The following SMG7 variants were observed in gnomAD, a reference collection of about 807,000 sequenced individuals.
The protein encoded by SMG7 is nonsense-mediated mRNA decay factor SMG7.
Under a neutral mutation model 148.2 loss-of-function variants are expected in SMG7, and 34 were observed. That is an observed-to-expected ratio of 0.23 (90% CI 0.17 to 0.31). The LOEUF (loss-of-function observed/expected upper bound fraction) is 0.31, where lower values mean the gene tolerates loss of function less well. Ranked by LOEUF, SMG7 falls within the 10% of genes least tolerant of loss-of-function variation. The pLI is 1.00. For synonymous variants in SMG7, 492 were observed against 515.1 expected (o/e 0.96, Z 0.61); for missense variants, 1,114 against 1,408.4 (o/e 0.79, Z 3.35).
chr1:183,533,105 G>A lies in SMG7; in HGVS notation c.844-59G>A, dbSNP rs1667155593. On this transcript the variant is annotated intron_variant, in intron 8 of 22. Transcript: ENST00000688051. ...ATGCAGACTACCAGTTTAATTTCTT[G>A]TGTCAAAGATGGTTCCTGTTCTTGA... 6 of 1,431,830 alleles carry A rather than the reference G, an allele frequency of 4.2e-6. No homozygotes were observed. In the South Asian group the frequency reaches 7.5e-5, roughly 18 times the overall value. The allele number at this position is 1,431,830 out of a possible 1,614,324, so 88.7% of individuals were successfully genotyped here.
intron 2 of SMG7, chr1:183,513,295 G>T: frequency 6.6e-6 from 1 of 151,210 alleles, no homozygotes; most frequent in Non-Finnish European, 1.5e-5. Context: ...AATATTTATA[G>T]AAAAATTCTA....
rs200203235 is a variant in SMG7 at position 183,551,081 on chromosome 1, C to T, written c.3341C>T (p.Thr1114Met). 1.5e-4 allele frequency: 249 copies of T among 1,613,798 alleles called. No homozygotes were observed. The highest frequency in any genetic ancestry group is 2.3e-4 in the Admixed American group (14 of 59,926). ...GGFGIDYLSA[T>M]SSSESSWHQA... is the part of the protein sequence containing the mutation. ...TTTGGCATTGATTATCTCTCAGCAA[C>T]GTCATCCTCTGAGAGCAGTTGGCAT... Residue 1114 changes from threonine to methionine, a missense_variant, in exon 22 of 23, where the codon ACG becomes ATG. Thr to Met is a moderately conservative substitution (Grantham distance 81). Around this residue, in one of 4 missense-constraint regions of SMG7, gnomAD observed 788 missense variants for 894.5 expected, o/e 0.88. Coordinates refer to ENST00000688051, the MANE Select transcript of SMG7 (RefSeq NM_001375584.1).
At chr1:183,548,143 T>G (rs948966942) in intron 18 of SMG7, among the ~76,000 whole-genome samples, 3 of 152,230 alleles carry the variant, frequency 2.0e-5, no homozygotes, top group Non-Finnish European at 4.4e-5. Context: ...ACAGCTTTCA[T>G]GACATTGCTG....
chr1:183,549,420 T>TC (rs1296935962), intron 19 of SMG7, 132 bp downstream of exon 19: 6 of 690,680 alleles, frequency 8.7e-6, no homozygotes, highest in Non-Finnish European at 1.5e-5. Flanking sequence ...TTTGATTTTA[T>TC]CCCCCTTGTC....
chr1:183,491,430 C>T (rs1381213809), intron 1 of SMG7, among the ~76,000 whole-genome samples: 2 of 151,954 alleles, frequency 1.3e-5, no homozygotes, highest in Non-Finnish European at 2.9e-5. Context: ...TTTTTGTGTA[C>T]ATGTGTTTTC....
chr1:183,486,036 C>T (rs1655338344), intron 1 of SMG7, among the ~76,000 whole-genome samples: 1 of 152,176 alleles, frequency 6.6e-6, no homozygotes, highest in Non-Finnish European at 1.5e-5. Flanking sequence ...TTACATTGCT[C>T]TTGAAAATTT....
At chr1:183,519,804 T>C (rs1267709801) in intron 4 of SMG7, among the ~76,000 whole-genome samples, 1 of 152,194 alleles carries the variant, frequency 6.6e-6, no homozygotes, top group Admixed American at 6.5e-5. Context: ...GTTAACAGTT[T>C]AGCATTTTTG....
chr1:183,553,608 G>GCCC lies in SMG7; in HGVS notation c.*1683_*1685dup, dbSNP rs3832026. Reference sequence around the variant, plus strand: ...TTGCTCTTCAGAGAGAGTGGTTGGAGCCCCCCCCGCCCCGTATGCTTACAT... The same window carrying GCCC: ...TTGCTCTTCAGAGAGAGTGGTTGGAGCCCCCCCCCCCGCCCCGTATGCTTACAT... On this transcript the variant is annotated 3_prime_UTR_variant, in exon 23 of 23. Transcript: ENST00000688051. 1,720 of 125,988 alleles carry GCCC rather than the reference G, an allele frequency of 0.014. 47 individuals carry two copies. The highest frequency in any genetic ancestry group is 0.02 in the Non-Finnish European group (1,142 of 57,874). 7.8% of individuals were successfully genotyped at this position (125,988 alleles called of 1,614,324 possible).
rs1319667627 is a variant in SMG7 at position 183,472,551 on chromosome 1, C to T, written c.-70C>T. ...GCGGCCGCCAGCACCCGCGGTGCCG[C>T]GGGGCCGCTCCGAGGAGCCTGAGAG... On this transcript the variant is annotated 5_prime_UTR_variant, in exon 1 of 23. Coordinates refer to ENST00000688051, the MANE Select transcript of SMG7 (RefSeq NM_001375584.1). 6.0e-6 allele frequency: 8 copies of T among 1,341,310 alleles called. No homozygotes were observed. Among genetic ancestry groups the T allele is most frequent in the South Asian group, 3.5e-5 (2 of 57,208 alleles). 83.1% of individuals were successfully genotyped at this position (1,341,310 alleles called of 1,614,324 possible). A position where few individuals can be genotyped will look rare whatever the true frequency, so the allele number is the denominator to read the frequency against.
At chr1:183,476,513 C>G (rs1342248633) in intron 1 of SMG7, among the ~76,000 whole-genome samples, 2 of 152,056 alleles carry the variant, frequency 1.3e-5, no homozygotes, top group African/African-American at 4.8e-5. Flanking sequence ...AGATAGGAGG[C>G]AAGAAGTCCC....
intron 1 of SMG7, among the ~76,000 whole-genome samples, chr1:183,482,297 G>C (rs922642640): frequency 7.9e-5 from 12 of 152,028 alleles, no homozygotes; most frequent in Admixed American, 7.2e-4. Context: ...TATTTGAGTA[G>C]CTGGTGTGTG....
intron 17 of SMG7, 147 bp from the exon 18 acceptor site, chr1:183,546,956 T>G: frequency 1.3e-6 from 1 of 770,142 alleles, no homozygotes; most frequent in Non-Finnish European, 2.0e-6. Context: ...TGCCTTTGCA[T>G]TTCAGAGCGT....
At chr1:183,535,888 A>G (rs1045174153) in intron 10 of SMG7, among the ~76,000 whole-genome samples, 1 of 151,962 alleles carries the variant, frequency 6.6e-6, no homozygotes, top group African/African-American at 2.4e-5. Context: ...TTTTCCAACT[A>G]TCTCTTGTAA....
chr1:183,547,025 T>C, intron 17 of SMG7, 78 bp from the exon 18 acceptor site: 1 of 1,373,536 alleles, frequency 7.3e-7, no homozygotes, highest in Non-Finnish European at 9.8e-7. Context: ...GTTGTCTTCT[T>C]CCACCTAATT....
intron 1 of SMG7, among the ~76,000 whole-genome samples, chr1:183,506,674 A>G (rs1194883744): frequency 1.3e-5 from 2 of 151,016 alleles, no homozygotes; most frequent in African/African-American, 2.4e-5. Flanking sequence ...AAAACACGAA[A>G]AAACTCCCAG....
chr1:183,477,776 G>A (rs4652805), intron 1 of SMG7, among the ~76,000 whole-genome samples: 149,377 of 151,590 alleles, frequency 0.99, 73,638 homozygotes, highest in East Asian at 1. Context: ...ATACATGTGT[G>A]TATGTGTGTA....
At chr1:183,550,023 G>T in intron 20 of SMG7, 100 bp downstream of exon 20, 1 of 777,016 alleles carries the variant, frequency 1.3e-6, no homozygotes, top group Non-Finnish European at 2.0e-6. Context: ...TCATTTGTTG[G>T]GTTATTTTTA....
rs1557935875 is a variant in SMG7 at position 183,477,578 on chromosome 1, A to ATG, written c.29+4930_29+4931insGT. On this transcript the variant is annotated intron_variant, in intron 1 of 22. Transcript: ENST00000688051. ...TGTGTGCATATGTGTATATATGCAT[A>ATG]TATACGTGTGTGCATATGTGTATAT... Among the ~76,000 whole-genome samples the ATG allele has an allele frequency of 1.7e-4, 24 of 143,304 alleles. 2 individuals carry two copies. Among genetic ancestry groups the ATG allele is most frequent in the Admixed American group, 4.2e-4 (6 of 14,406 alleles). 94.0% of individuals were successfully genotyped at this position (143,304 alleles called of 152,430 possible). A position where few individuals can be genotyped will look rare whatever the true frequency, so the allele number is the denominator to read the frequency against.
At chr1:183,489,637 T>C (rs1452470615) in intron 1 of SMG7, among the ~76,000 whole-genome samples, 1 of 152,168 alleles carries the variant, frequency 6.6e-6, no homozygotes, top group Admixed American at 6.5e-5. Flanking sequence ...GTTAGAATTA[T>C]TGCCTTTGTA....
Sources: allele counts gnomAD v4.1 joint callset (sites outside exome capture counted in the v4.1 genomes callset), GRCh38; gene constraint gnomAD v4.1.1; regional missense constraint gnomAD v4.1.1; transcripts MANE v1.5; gene names NCBI Gene and HGNC (gene_info 2026-07-23, HGNC 2026-07-21).